SIDT2: variants seen among roughly 807,000 people sequenced by gnomAD.
SIDT2 encodes the protein SID1 transmembrane family, member 2.
SIDT2 carries 68 observed loss-of-function variants against 114.4 expected under a neutral mutation model. The observed-to-expected ratio is 0.59, with a 90% CI of 0.49 to 0.73. SIDT2 has a LOEUF of 0.73. Among genes scored for constraint, SIDT2 ranks in the 30% least tolerant of loss-of-function variants. SIDT2 has a pLI of 0.00. For missense variants in SIDT2, 918 were observed against 1,097.1 expected (o/e 0.84, Z 2.31); for synonymous variants, 470 against 438.4 (o/e 1.07, Z -0.90).
In SIDT2 at chr11:117,179,254, T is replaced by C. The variant is rs768163559; in HGVS notation, c.-10T>C. Reference sequence around the variant, plus strand: ...GCCACCACCGCTGCCACTGCCGCCCTGCCGGGGCCATGTTCGCTCTGGGCT... The same window carrying C: ...GCCACCACCGCTGCCACTGCCGCCCCGCCGGGGCCATGTTCGCTCTGGGCT... On this transcript the variant is annotated 5_prime_UTR_variant, in exon 1 of 26. Coordinates refer to ENST00000324225, the MANE Select transcript of SIDT2 (RefSeq NM_001040455.2). 11 of 1,605,268 alleles carry C rather than the reference T, an allele frequency of 6.9e-6. No homozygotes were observed. In the East Asian group the frequency reaches 2.2e-4, roughly 33 times the overall value.
chr11:117,180,810 G>GT (rs1591764931), intron 1 of SIDT2, among the ~76,000 whole-genome samples: 1 of 152,028 alleles, frequency 6.6e-6, no homozygotes, highest in Non-Finnish European at 1.5e-5. Flanking sequence ...TGCTACAAGC[G>GT]TGAGTCACCG....
chr11:117,192,924 C>T lies in SIDT2; in HGVS notation c.2105+58C>T, dbSNP rs2030757090. 7.5e-6 allele frequency: 12 copies of T among 1,605,380 alleles called. No homozygotes were observed. The East Asian group carries it at 2.2e-4, about 30-fold the overall frequency. On this transcript the variant is annotated intron_variant, in intron 22 of 25. Coordinates refer to ENST00000324225, the MANE Select transcript of SIDT2 (RefSeq NM_001040455.2). The surrounding 1 kb of genome is among the most constrained non-coding windows in gnomAD (Gnocchi z 5.9). The stretch of plus-strand genomic sequence containing the variant: ...GTGGACAGCTGGGGACTCGGTCAGC[C>T]ACTGGCTGCCTTGGGGGCTAAGGAC...
intron 6 of SIDT2, among the ~76,000 whole-genome samples, chr11:117,183,374 C>T (rs1247282328): frequency 6.7e-6 from 1 of 148,274 alleles, no homozygotes; most frequent in East Asian, 2.0e-4. Context: ...CGCAGTGGCT[C>T]ACGCCTGTAA....
In SIDT2 at chr11:117,187,386, C is replaced by T. The variant is rs766369533; in HGVS notation, c.1024C>T (p.Arg342Ter). 25 of 1,613,900 alleles carry T rather than the reference C, an allele frequency of 1.5e-5. No individual in the cohort carries two copies. The Admixed American group carries it at 2.3e-4, about 15-fold the overall frequency. ...DRACPESGHP[R>*]VLADSFPGSS... ...TTGACTTCTCATTGCAGGTCACCCT[C>T]GAGTCCTGGCTGATTCTTTTCCTGG... The change falls in exon 11 of 26, where the codon CGA (arginine) becomes TGA (stop). Residue 342 changes from arginine (R) to a stop codon, truncating the protein, a stop_gained. Transcript: ENST00000324225. LOFTEE classifies it high-confidence loss of function.
intron 24 of SIDT2, among the ~76,000 whole-genome samples, chr11:117,194,530 C>A (rs2030820558): frequency 6.6e-6 from 1 of 152,216 alleles, no homozygotes; most frequent in Non-Finnish European, 1.5e-5. Flanking sequence ...TCTTCTCTGC[C>A]TTGCAGGACA....
intron 7 of SIDT2, 88 bp from the exon 8 acceptor site, chr11:117,183,986 T>A: frequency 6.5e-7 from 1 of 1,547,080 alleles, no homozygotes; most frequent in South Asian, 1.1e-5. Context: ...GACATGGGTT[T>A]TTGGCTCCAG....
Position 117,190,033 on chromosome 11 carries a change from T to C in SIDT2, c.1493+8T>C, listed in dbSNP as rs2030642340. 1 of 1,613,804 alleles carries C rather than the reference T, an allele frequency of 6.2e-7. No homozygotes were observed. The highest frequency in any genetic ancestry group is 1.7e-5 in the Admixed American group (1 of 59,982). On this transcript the variant is annotated splice_region_variant and intron_variant, in intron 16 of 25. Transcript: ENST00000324225. This position sits in a 1 kb window ranked among gnomAD's most constrained non-coding sequence, Gnocchi z 4.1. The stretch of plus-strand genomic sequence containing the variant: ...CCCACTGGGCAATCTCAGGTGGGGG[T>C]CATGCTGGGAGGCCCCTTGTCCAGG...
chr11:117,188,710 C>T lies in SIDT2; in HGVS notation c.1162C>T (p.Arg388Cys), dbSNP rs141277106. 27 of 1,613,688 alleles carry T rather than the reference C, an allele frequency of 1.7e-5. No individual in the cohort carries two copies. The East Asian group carries it at 2.5e-4, about 15-fold the overall frequency. The stretch of plus-strand genomic sequence containing the variant: ...CCCTCCCTCCCTGCCCTTTCCAGGC[C>T]GCTCCTTTGAACCTGTAGGTACTCG... The part of the protein sequence containing the change: ...TGDLSYGYQG[R>C]SFEPVGTRPR... Residue 388 changes from arginine to cysteine, a missense_variant and splice_region_variant, in exon 13 of 26, where the codon CGC becomes TGC. Around this residue, in one of 4 missense-constraint regions of SIDT2, gnomAD observed 553 missense variants for 600.1 expected, o/e 0.92. Coordinates refer to ENST00000324225, the MANE Select transcript of SIDT2 (RefSeq NM_001040455.2). The surrounding 1 kb of genome is among the most constrained non-coding windows in gnomAD (Gnocchi z 4.0).
chr11:117,187,451 T>C lies in SIDT2; in HGVS notation c.1087+2T>C. On this transcript the variant is annotated splice_donor_variant, in intron 11 of 25. Transcript: ENST00000324225. LOFTEE classifies it high-confidence loss of function. ...AGGGTTACAACTATGGCTCCTTTGG[T>C]ACGTGTCAAAGCCAGCACCGTGCTT... 1 of 1,613,896 alleles carries C rather than the reference T, an allele frequency of 6.2e-7. No homozygotes were observed.
rs2030885205 is a variant in SIDT2, at chr11:117,196,000, C to T, written c.2437-4C>T. On this transcript the variant is annotated splice_polypyrimidine_tract_variant and splice_region_variant and intron_variant, in intron 25 of 25. Coordinates refer to ENST00000324225, the MANE Select transcript of SIDT2 (RefSeq NM_001040455.2). ...CTGTGGCTGATCTGGCGTCCACACCCCAGGTGTTGCTGACACTGGATGACG... is the reference window on the plus strand; with the variant it reads ...CTGTGGCTGATCTGGCGTCCACACCTCAGGTGTTGCTGACACTGGATGACG... 6.2e-7 allele frequency: 1 copy of T among 1,614,238 alleles called. No homozygotes were observed. The highest frequency in any genetic ancestry group is 1.3e-5 in the African/African-American group (1 of 75,058).
chr11:117,196,563 G>T lies in SIDT2; in HGVS notation c.*497G>T, dbSNP rs754070465. The T allele has an allele frequency of 3.1e-4, 54 of 171,766 alleles. No individual in the cohort carries two copies. The highest frequency in any genetic ancestry group is 5.8e-4 in the Non-Finnish European group (46 of 78,824). 10.6% of individuals were successfully genotyped at this position (171,766 alleles called of 1,614,324 possible). On this transcript the variant is annotated 3_prime_UTR_variant, in exon 26 of 26. Coordinates refer to ENST00000324225, the MANE Select transcript of SIDT2 (RefSeq NM_001040455.2). This position sits in a 1 kb window ranked among gnomAD's most constrained non-coding sequence, Gnocchi z 4.9. ...CCCCAGTTCTCTTTGGGCTGTCCCT[G>T]GCTGCCATCACTGCCCATTCCAGTC...
Position 117,187,696 on chromosome 11 carries a change from C to T in SIDT2, c.1156C>T (p.Gln386Ter). 6.2e-7 allele frequency: 1 copy of T among 1,613,826 alleles called. No individual in the cohort carries two copies. The highest frequency in any genetic ancestry group is 8.5e-7 in the Non-Finnish European group (1 of 1,179,912). The change falls in exon 12 of 26, where the codon CAG becomes TAG. Residue 386 changes from glutamine (Q) to a stop codon, truncating the protein, a stop_gained. Coordinates refer to ENST00000324225, the MANE Select transcript of SIDT2 (RefSeq NM_001040455.2). LOFTEE classifies it high-confidence loss of function. ...AGTGDLSYGYQGRSFEPVGTR... is the reference protein window; with the variant it reads ...AGTGDLSYGY ...CACTGGGGACCTCTCTTACGGTTAC[C>T]AGGGTGAGTGGGCCAGGCTGGGAGG...
Position 117,181,842 on chromosome 11 carries a change from G to A in SIDT2, c.341G>A (p.Arg114Gln). The change falls in exon 3 of 26, where the codon CGA becomes CAA. Residue 114 changes from arginine to glutamine, a missense_variant. This residue lies in a region of SIDT2 where 553 missense variants were observed against 600.1 expected (regional missense o/e 0.92). Transcript: ENST00000324225. ...QRKYLYQKVE[R>Q]TLCQPPTKNE... ...AAGTACCTCTACCAAAAAGTGGAAC[G>A]AACCCTGTGTCAGCCCCCCACCAAG... 6.2e-7 allele frequency: 1 copy of A among 1,614,184 alleles called. No individual in the cohort carries two copies. Among genetic ancestry groups the A allele is most frequent in the Non-Finnish European group, 8.5e-7 (1 of 1,180,032 alleles).
Position 117,195,913 on chromosome 11 carries a change from C to T in SIDT2, c.2434C>T (p.Leu812=). Residue 812 remains leucine, a splice_region_variant and synonymous_variant, in exon 25 of 26, where the codon CTG becomes TTG. Coordinates refer to ENST00000324225, the MANE Select transcript of SIDT2 (RefSeq NM_001040455.2). ...CTCCATCGCCATGTTCGGGTCCTTCCTGGTAAGCGGGCCTCCCGGCCGAGC... is the reference window on the plus strand; with the variant it reads ...CTCCATCGCCATGTTCGGGTCCTTCTTGGTAAGCGGGCCTCCCGGCCGAGC... ...LSSIAMFGSF[L]VLLTLDDDLD... 2 of 1,614,222 alleles carry T rather than the reference C, an allele frequency of 1.2e-6. No homozygotes were observed. The highest frequency in any genetic ancestry group is 1.7e-6 in the Non-Finnish European group (2 of 1,180,038).
At chr11:117,193,717 A>G (rs1434957033) in intron 23 of SIDT2, 136 bp from the exon 24 acceptor site, 4 of 631,614 alleles carry the variant, frequency 6.3e-6, no homozygotes, top group Non-Finnish European at 1.1e-5. Context: ...GGTTGTGCGG[A>G]ATGGTATGAA....
At chr11:117,193,366 C>A in intron 23 of SIDT2, 108 bp downstream of exon 23, 2 of 1,009,186 alleles carry the variant, frequency 2.0e-6, no homozygotes, top group Admixed American at 2.2e-5. Flanking sequence ...CCCATCTTTG[C>A]TGGTTGCGGA....
At chr11:117,180,554 T>TTTTTTTTC (rs2030242326) in intron 1 of SIDT2, among the ~76,000 whole-genome samples, 1 of 112,664 alleles carries the variant, frequency 8.9e-6, no homozygotes, top group Non-Finnish European at 1.8e-5. Context: ...TTTTTTTTTT[T>TTTTTTTTC]GAGACCAGTC....
Position 117,188,529 on chromosome 11 carries a change from T to C in SIDT2, c.1160-179T>C. On this transcript the variant is annotated intron_variant, in intron 12 of 25. Transcript: ENST00000324225. The surrounding 1 kb of genome is among the most constrained non-coding windows in gnomAD (Gnocchi z 4.0). ...GAGTCTACCATCATCCCCCAGGACT[T>C]AGGAGCACCTGATGTCTCCTCCCAG... 1 of 614,306 alleles carries C rather than the reference T, an allele frequency of 1.6e-6. No homozygotes were observed. The highest frequency in any genetic ancestry group is 3.0e-6 in the Non-Finnish European group (1 of 338,672). The allele number at this position is 614,306 out of a possible 1,614,324, so 38.1% of individuals were successfully genotyped here.
intron 2 of SIDT2, 115 bp downstream of exon 2, chr11:117,181,652 C>G (rs2030290179): frequency 5.7e-6 from 9 of 1,577,016 alleles, no homozygotes; most frequent in African/African-American, 1.3e-5. Context: ...GGAGGCTGGT[C>G]AACAGCACAA....
Sources: allele counts gnomAD v4.1 joint callset (sites outside exome capture counted in the v4.1 genomes callset), GRCh38; gene constraint gnomAD v4.1.1; regional missense constraint gnomAD v4.1.1; non-coding constraint Gnocchi (gnomAD v3.1); transcripts MANE v1.5; gene names NCBI Gene and HGNC (gene_info 2026-07-23, HGNC 2026-07-21).